RANBP3: variants seen among roughly 807,000 people sequenced by gnomAD.
RANBP3 encodes the protein ran-binding protein 3.
In RANBP3, 14 loss-of-function variants were observed where a neutral mutation model predicts 77.3. The observed-to-expected ratio is 0.18, with a 90% CI of 0.12 to 0.28. The LOEUF is 0.28. Ranked by LOEUF, RANBP3 falls within the 10% of genes least tolerant of loss-of-function variation. RANBP3 has a pLI of 1.00. For synonymous variants in RANBP3, 315 were observed against 312.4 expected (o/e 1.01, Z -0.09); for missense variants, 586 against 752.3 (o/e 0.78, Z 2.59).
At chr19:5,940,017 CCAGCCAACAGGTTTCCA>C (rs2145131224) in intron 5 of RANBP3, among the ~76,000 whole-genome samples, 1 of 152,366 alleles carries the variant, frequency 6.6e-6, no homozygotes, top group African/African-American at 2.4e-5. Context: ...AGGGTGTGGG[CCAGCCAACAGGTTTCCA>C]CAAATGAAGT....
At chr19:5,973,025 A>G (rs530443810) in intron 1 of RANBP3, among the ~76,000 whole-genome samples, 18 of 152,360 alleles carry the variant, frequency 1.2e-4, no homozygotes, top group Non-Finnish European at 7.3e-5. Flanking sequence ...TTCAAAGAGT[A>G]TAAAGATTTT....
rs1392906816 is a variant in RANBP3, at chr19:5,952,223, G to A, written c.79-627C>T. Reference sequence around the variant, plus strand: ...GTGTGGGGTGACATGGACACTGAGAGCTGGTTTTTGCATCAGTGGCAGGCG... The same window carrying A: ...GTGTGGGGTGACATGGACACTGAGAACTGGTTTTTGCATCAGTGGCAGGCG... On this transcript the variant is annotated intron_variant, in intron 2 of 16. Transcript: ENST00000340578. This position sits in a 1 kb window ranked among gnomAD's most constrained non-coding sequence, Gnocchi z 4.1. Among the ~76,000 whole-genome samples the A allele has an allele frequency of 1.3e-5, 2 of 152,210 alleles. No homozygotes were observed. Among genetic ancestry groups the A allele is most frequent in the Non-Finnish European group, 2.9e-5 (2 of 68,038 alleles).
Position 5,918,530 on chromosome 19 carries a change from G to C in RANBP3, c.1439C>G (p.Thr480Ser). Residue 480 changes from threonine (T) to serine (S), a missense_variant, in exon 15 of 17, where the codon ACC (threonine) becomes AGC (serine). Physicochemically the swap from Thr to Ser is moderately conservative, Grantham distance 58. Around this residue, in one of 5 missense-constraint regions of RANBP3, gnomAD observed 128 missense variants for 157.0 expected, o/e 0.82. Coordinates refer to ENST00000340578, the MANE Select transcript of RANBP3 (RefSeq NM_007322.3). Reference protein sequence around the residue: ...EKSIRITAMDTEDQGVKVFLI... With the variant: ...EKSIRITAMDSEDQGVKVFLI... ...GAAGACCTTCACGCCCTGGTCCTCG[G>C]TGTCCATGGCTGTGATGCGAATGCT... is the stretch of plus-strand genomic sequence containing the variant. 6.2e-7 allele frequency: 1 copy of C among 1,613,038 alleles called. No individual in the cohort carries two copies. The highest frequency in any genetic ancestry group is 8.5e-7 in the Non-Finnish European group (1 of 1,179,690).
intron 2 of RANBP3, among the ~76,000 whole-genome samples, chr19:5,957,242 G>A: frequency 6.6e-6 from 1 of 152,162 alleles, no homozygotes; most frequent in Non-Finnish European, 1.5e-5. Flanking sequence ...ATGGCTTCAA[G>A]GTAAATAGCA....
intron 1 of RANBP3, among the ~76,000 whole-genome samples, chr19:5,967,821 G>C (rs2058485391): frequency 6.6e-6 from 1 of 152,184 alleles, no homozygotes; most frequent in African/African-American, 2.4e-5. Flanking sequence ...AGGAGTTTGA[G>C]ACCAGCCTGG....
chr19:5,946,544 C>T (rs1278316152), intron 3 of RANBP3, among the ~76,000 whole-genome samples: 3 of 152,182 alleles, frequency 2.0e-5, no homozygotes, highest in Non-Finnish European at 4.4e-5. Flanking sequence ...GAACCTCCTG[C>T]CAGCAACTCT....
chr19:5,930,000 C>A (rs538955536), intron 8 of RANBP3, among the ~76,000 whole-genome samples: 9 of 152,348 alleles, frequency 5.9e-5, no homozygotes, highest in African/African-American at 2.2e-4. Context: ...GGAAGACGGA[C>A]TCCGTCCCCT....
At chr19:5,945,131 C>T (rs1282832160) in intron 3 of RANBP3, among the ~76,000 whole-genome samples, 1 of 152,218 alleles carries the variant, frequency 6.6e-6, no homozygotes, top group Non-Finnish European at 1.5e-5. Flanking sequence ...TAGGAAGGAA[C>T]TGGACCTCAC....
chr19:5,970,957 G>C (rs765705144), intron 1 of RANBP3, among the ~76,000 whole-genome samples: 2 of 152,166 alleles, frequency 1.3e-5, no homozygotes, highest in African/African-American at 2.4e-5. Context: ...GGAACCTGCT[G>C]GTCAGCTCTG....
intron 5 of RANBP3, among the ~76,000 whole-genome samples, chr19:5,940,169 G>A (rs2058117052): frequency 6.6e-6 from 1 of 152,230 alleles, no homozygotes; most frequent in Non-Finnish European, 1.5e-5. Context: ...GGGCTGCTGC[G>A]CTGGACGGGA....
rs150839128 is a variant in RANBP3 at position 5,958,717 on chromosome 19, G to C, written c.23-744C>G. ...TGCTGCCCGCACAGGAAGCACAGAT[G>C]AGGACTGCCTCGACCCCACGAGGAG... On this transcript the variant is annotated intron_variant, in intron 1 of 16. Transcript: ENST00000340578. This position sits in a 1 kb window ranked among gnomAD's most constrained non-coding sequence, Gnocchi z 4.4. Among the ~76,000 whole-genome samples, 128 of 152,390 alleles carry C rather than the reference G, an allele frequency of 8.4e-4. 1 individual carries two copies. The East Asian group carries it at 0.024, about 28-fold the overall frequency.
intron 5 of RANBP3, among the ~76,000 whole-genome samples, chr19:5,939,109 C>T (rs994310729): frequency 4.6e-5 from 7 of 152,192 alleles, no homozygotes; most frequent in Non-Finnish European, 8.8e-5. Context: ...CACTTGAACC[C>T]GGGAGGCGGA....
rs982945212 is a variant in RANBP3 at position 5,969,921 on chromosome 19, T to C, written c.22+8140A>G. 7.2e-5 allele frequency among the ~76,000 whole-genome samples: 11 copies of C among 152,360 alleles called. No individual in the cohort carries two copies. The South Asian group carries it at 8.3e-4, about 11-fold the overall frequency. On this transcript the variant is annotated intron_variant, in intron 1 of 16. Transcript: ENST00000340578. ...AAAGGCCAGAATAGAAAAATAAGGT[T>C]GGGAGGAAGGGCCTTAAACTCTAGC...
At chr19:5,920,604 G>A (rs1465190174) in intron 14 of RANBP3, among the ~76,000 whole-genome samples, 1 of 152,158 alleles carries the variant, frequency 6.6e-6, no homozygotes, top group African/African-American at 2.4e-5. Flanking sequence ...CTGGAGTGCA[G>A]TGGCTCAATC....
chr19:5,951,024 C>T (rs1220948252), intron 3 of RANBP3: 1 of 294,190 alleles, frequency 3.4e-6, no homozygotes, highest in South Asian at 3.2e-5. Context: ...CTTGAATGCC[C>T]GCATTCAGGG....
Position 5,925,663 on chromosome 19 carries a change from C to T in RANBP3, c.888G>A (p.Thr296=), listed in dbSNP as rs575602333. 392 of 1,614,018 alleles carry T rather than the reference C, an allele frequency of 2.4e-4. 3 individuals are homozygous for T. The South Asian group carries it at 2.6e-3, about 11-fold the overall frequency. The part of the protein sequence containing the change: ...GHPSADTPTA[T]NYFLQYISSS... ...AACTGATATACTGGAGGAAATAGTT[C>T]GTTGCGGTTGGCGTGTCTGCGCTGG... The change falls in exon 10 of 17, where the codon ACG becomes ACA. Residue 296 remains threonine, a synonymous_variant. Transcript: ENST00000340578.
At chr19:5,964,895 C>T (rs993414558) in intron 1 of RANBP3, among the ~76,000 whole-genome samples, 4 of 146,018 alleles carry the variant, frequency 2.7e-5, no homozygotes, top group African/African-American at 7.4e-5. Flanking sequence ...CCGCCCTTCC[C>T]TGGGGTCTGA....
In RANBP3 at chr19:5,959,216, T is replaced by TAAAAGGC. The variant is rs768967833; in HGVS notation, c.23-1250_23-1244dup. On this transcript the variant is annotated intron_variant, in intron 1 of 16. Coordinates refer to ENST00000340578, the MANE Select transcript of RANBP3 (RefSeq NM_007322.3). The surrounding 1 kb of genome is among the most constrained non-coding windows in gnomAD (Gnocchi z 5.1). ...ATGCTGACTTGCTGGGGAAATGTCATAAAAGGCAAGGGGATGCCTGGGGTT... is the reference window on the plus strand; with the variant it reads ...ATGCTGACTTGCTGGGGAAATGTCATAAAAGGCAAAAGGCAAGGGGATGCCTGGGGTT... Among the ~76,000 whole-genome samples, 12 of 151,962 alleles carry TAAAAGGC rather than the reference T, an allele frequency of 7.9e-5. No individual in the cohort carries two copies. The highest frequency in any genetic ancestry group is 1.6e-4 in the Non-Finnish European group (11 of 67,990).
chr19:5,923,179 G>A lies in RANBP3; in HGVS notation c.1209+15C>T, dbSNP rs745327762. 1.2e-6 allele frequency: 2 copies of A among 1,610,538 alleles called. No individual in the cohort carries two copies. The highest frequency in any genetic ancestry group is 8.5e-7 in the Non-Finnish European group (1 of 1,176,786). ...TGGAAGACCCAGGGCCACCGAGGAG[G>A]GGCCGGCCCCTCACCTGTAACACAT... On this transcript the variant is annotated intron_variant, in intron 13 of 16. Transcript: ENST00000340578.
Sources: gnomAD v4.1 joint callset for allele counts (sites outside exome capture counted in the v4.1 genomes callset) on GRCh38, gnomAD v4.1.1 for gene constraint, gnomAD v4.1.1 regional missense constraint, Gnocchi (gnomAD v3.1) non-coding constraint, MANE v1.5 for transcripts, NCBI Gene and HGNC (gene_info 2026-07-23, HGNC 2026-07-21) for gene names.